The following FSHR variants were observed in gnomAD, a reference collection of about 807,000 sequenced individuals.
FSHR encodes the protein follicle-stimulating hormone receptor.
Under a neutral mutation model 52.1 loss-of-function variants are expected in FSHR, and 46 were observed. The ratio of observed to expected loss-of-function variants is 0.88; its 90% CI spans 0.70 to 1.13. The LOEUF is 1.13. Ranked by LOEUF, FSHR falls within the 50% of genes most tolerant of loss-of-function variation. The pLI is 0.00. For missense variants in FSHR, 964 were observed against 834.6 expected, an observed-to-expected ratio of 1.16 and a Z score of -1.91; for synonymous variants, 399 against 309.6, an observed-to-expected ratio of 1.29 and a Z score of -3.03.
intron 1 of FSHR, among the ~76,000 whole-genome samples, chr2:49,114,016 A>C (rs1006142660): frequency 1.3e-5 from 2 of 152,154 alleles, no homozygotes; most frequent in African/African-American, 4.8e-5. Flanking sequence ...TCCAGCTTCC[A>C]GGTCACACCA....
intron 4 of FSHR, among the ~76,000 whole-genome samples, chr2:49,016,757 A>G (rs368422292): frequency 2.0e-5 from 3 of 151,608 alleles, no homozygotes; most frequent in Non-Finnish European, 4.4e-5. Flanking sequence ...TTATGATGCT[A>G]ATAGATAACA....
chr2:49,015,359 A>G (rs1240321493), intron 4 of FSHR, among the ~76,000 whole-genome samples: 1 of 152,246 alleles, frequency 6.6e-6, no homozygotes, highest in Non-Finnish European at 1.5e-5. Flanking sequence ...ACAACTTACT[A>G]GAATTTTCCT....
chr2:49,066,755 T>G (rs559475352), intron 2 of FSHR, among the ~76,000 whole-genome samples: 1 of 152,258 alleles, frequency 6.6e-6, no homozygotes, highest in South Asian at 2.1e-4. Flanking sequence ...GAGGGGTCAT[T>G]CACACTTGCT....
chr2:49,074,347 A>T (rs1208807714), intron 1 of FSHR, among the ~76,000 whole-genome samples: 1 of 152,122 alleles, frequency 6.6e-6, no homozygotes, highest in Non-Finnish European at 1.5e-5. Flanking sequence ...ACCACCAACA[A>T]AAAAGTTGAT....
chr2:49,024,918 C>T (rs534127796), intron 2 of FSHR, among the ~76,000 whole-genome samples: 1 of 152,306 alleles, frequency 6.6e-6, no homozygotes, highest in African/African-American at 2.4e-5. Context: ...CTGCCCCTTG[C>T]ATATTGCATT....
At position 48,962,923 on chromosome 2, in the gene FSHR, A is replaced by T. The variant is rs1186965207; in HGVS notation, c.1898T>A (p.Phe633Tyr). ...CAGCAGAATGAAGAAATCTCTGCGA[A>T]AGTTTTTGGTAAAGATGGCATAGAG... is the stretch of plus-strand genomic sequence containing the variant. ...PFLYAIFTKN[F>Y]RRDFFILLSK... is the part of the protein sequence containing the mutation. Residue 633 changes from phenylalanine (F) to tyrosine (Y), a missense_variant, in exon 10 of 10, where the codon TTT becomes TAT. By Grantham distance (22) the Phe-to-Tyr change is conservative (BLOSUM62 3). Coordinates refer to ENST00000406846, the MANE Select transcript of FSHR (RefSeq NM_000145.4). The T allele has an allele frequency of 6.2e-7, 1 of 1,614,134 alleles. No individual in the cohort carries two copies. The highest frequency in any genetic ancestry group is 1.7e-5 in the Admixed American group (1 of 60,010).
intron 2 of FSHR, among the ~76,000 whole-genome samples, chr2:49,038,679 T>G: frequency 6.8e-6 from 1 of 147,410 alleles, no homozygotes; most frequent in African/African-American, 2.5e-5. Flanking sequence ...AATACTGGTT[T>G]AGGGGAATTT....
intron 8 of FSHR, among the ~76,000 whole-genome samples, chr2:48,978,702 G>C (rs1675103943): frequency 6.6e-6 from 1 of 152,302 alleles, no homozygotes; most frequent in East Asian, 1.9e-4. Context: ...ACTCACAAGG[G>C]GGAAATGAGG....
intron 1 of FSHR, among the ~76,000 whole-genome samples, chr2:49,120,643 C>A (rs1444171631): frequency 1.3e-5 from 2 of 152,140 alleles, no homozygotes; most frequent in African/African-American, 4.8e-5. Context: ...AGACCTGGAG[C>A]TAGACACACT....
chr2:49,090,124 A>AGTGTGT (rs35574043), intron 1 of FSHR, among the ~76,000 whole-genome samples: 79 of 148,892 alleles, frequency 5.3e-4, no homozygotes, highest in African/African-American at 1.5e-3. Context: ...AGTAAAATCG[A>AGTGTGT]GTGTGTGTGT....
chr2:49,097,297 T>C (rs931855024), intron 1 of FSHR, among the ~76,000 whole-genome samples: 1 of 152,342 alleles, frequency 6.6e-6, no homozygotes, highest in Non-Finnish European at 1.5e-5. Context: ...TGTGGGTCTA[T>C]GTCTTTCATT....
intron 1 of FSHR, among the ~76,000 whole-genome samples, chr2:49,100,361 C>T (rs571337226): frequency 6.6e-6 from 1 of 152,216 alleles, no homozygotes; most frequent in African/African-American, 2.4e-5. Context: ...AGTCAAACTC[C>T]AGAAATTCAC....
intron 1 of FSHR, among the ~76,000 whole-genome samples, chr2:49,150,316 G>C (rs1462652001): frequency 2.0e-5 from 3 of 152,056 alleles, no homozygotes; most frequent in Non-Finnish European, 1.5e-5. Context: ...TTAAACAAAT[G>C]GGAGGTTGTA....
intron 8 of FSHR, among the ~76,000 whole-genome samples, chr2:48,975,442 C>G (rs1301013784): frequency 1.3e-5 from 2 of 152,100 alleles, no homozygotes; most frequent in Non-Finnish European, 2.9e-5. Context: ...CTACTTACTC[C>G]CCAGTGCATG....
chr2:49,072,695 G>A (rs944011872), intron 1 of FSHR, among the ~76,000 whole-genome samples: 2 of 152,108 alleles, frequency 1.3e-5, no homozygotes, highest in African/African-American at 2.4e-5. Context: ...TTGCAATTTT[G>A]CAATTATAAG....
Position 49,076,577 on chromosome 2 carries a change from G to C in FSHR, c.153-8287C>G, listed in dbSNP as rs889676136. Among the ~76,000 whole-genome samples the C allele has an allele frequency of 2.6e-5, 4 of 152,024 alleles. No homozygotes were observed. In the South Asian group the frequency reaches 8.3e-4, roughly 32 times the overall value. ...TCCCAAATCTCATGTCCTTACATTT[G>C]AAAACTAATTATGCCTTCCCTACAG... On this transcript the variant is annotated intron_variant, in intron 1 of 9. Transcript: ENST00000406846.
At chr2:49,149,515 T>C (rs1298371361) in intron 1 of FSHR, among the ~76,000 whole-genome samples, 6 of 152,080 alleles carry the variant, frequency 3.9e-5, no homozygotes, top group Non-Finnish European at 8.8e-5. Context: ...GTGACCTCTG[T>C]GGAATGTTAA....
chr2:49,118,740 C>T (rs1266066011), intron 1 of FSHR, among the ~76,000 whole-genome samples: 1 of 152,172 alleles, frequency 6.6e-6, no homozygotes, highest in African/African-American at 2.4e-5. Context: ...CACCCACCAG[C>T]ACCATATCCG....
rs566035087 is a variant in FSHR at position 49,038,438 on chromosome 2, G to A, written c.225-18278C>T. 4.5e-4 allele frequency among the ~76,000 whole-genome samples: 69 copies of A among 151,772 alleles called. No individual in the cohort carries two copies. In the South Asian group the frequency reaches 0.014, roughly 31 times the overall value. On this transcript the variant is annotated intron_variant, in intron 2 of 9. Transcript: ENST00000406846. ...AGATCGAGACCATCCTGGCTAACAC[G>A]GTGAAACCCCGTCTCTACTAAAAAA...
Sources: allele counts gnomAD v4.1 joint callset (sites outside exome capture counted in the v4.1 genomes callset), GRCh38; gene constraint gnomAD v4.1.1; transcripts MANE v1.5; gene names NCBI Gene and HGNC (gene_info 2026-07-23, HGNC 2026-07-21).